Variants in ARHGAP31 observed in about 807,000 individuals in gnomAD.
The protein encoded by ARHGAP31 is Rho GTPase activating protein 31.
A neutral mutation model predicts 113.9 loss-of-function variants in ARHGAP31; 34 were observed. The ratio of observed to expected loss-of-function variants is 0.30; its 90% confidence interval spans 0.23 to 0.40. The LOEUF is 0.40. Ranked by LOEUF, ARHGAP31 falls within the 10% of genes least tolerant of loss-of-function variation. The probability of loss-of-function intolerance (pLI) is 1.00; values close to 1 mark genes in which losing one functional copy is unlikely to be tolerated. For missense variants in ARHGAP31, 1,548 were observed against 1,767.1 expected (o/e 0.88, Z 2.22); for synonymous variants, 650 against 684.8 (o/e 0.95, Z 0.79).
intron 3 of ARHGAP31, among the ~76,000 whole-genome samples, chr3:119,376,344 T>G (rs927264364): frequency 1.3e-5 from 2 of 151,904 alleles, no homozygotes; most frequent in African/African-American, 4.8e-5. Flanking sequence ...CAAAAATTAT[T>G]CGGGCATGGT....
chr3:119,306,537 A>G (rs560119777), intron 1 of ARHGAP31, among the ~76,000 whole-genome samples: 1 of 152,244 alleles, frequency 6.6e-6, no homozygotes, highest in Non-Finnish European at 1.5e-5. Context: ...AGCCTGGGGG[A>G]CGGTGTGAGA....
At chr3:119,392,019 A>T (rs1483060059) in intron 7 of ARHGAP31, among the ~76,000 whole-genome samples, 1 of 152,172 alleles carries the variant, frequency 6.6e-6, no homozygotes, top group Non-Finnish European at 1.5e-5. Context: ...TGTGCTTTCA[A>T]CCACATCTCG....
Position 119,402,315 on chromosome 3 carries a change from C to T in ARHGAP31, c.1563C>T (p.Ser521=), listed in dbSNP as rs2080619121. ...TPPKELQSLS[S]LEEFSFHGSE... ...CGAAGGAGCTGCAGTCTCTTTCCAG[C>T]CTGGAAGAGTTTTCTTTTCATGGAT... The change falls in exon 10 of 12, where the codon AGC becomes AGT. Residue 521 remains serine, a synonymous_variant. Coordinates refer to ENST00000264245, the MANE Select transcript of ARHGAP31 (RefSeq NM_020754.4). The T allele has an allele frequency of 6.2e-7, 1 of 1,614,070 alleles. No homozygotes were observed.
chr3:119,350,658 C>T (rs2080103445), intron 1 of ARHGAP31, among the ~76,000 whole-genome samples: 3 of 151,870 alleles, frequency 2.0e-5, no homozygotes, highest in Admixed American at 6.6e-5. Context: ...TTCCAGCCCC[C>T]GTAAAAATAA....
Position 119,399,052 on chromosome 3 carries a change from G to A in ARHGAP31, c.1007-147G>A, listed in dbSNP as rs1434543877. 2.8e-5 allele frequency: 19 copies of A among 685,260 alleles called. No homozygotes were observed. In the East Asian group the frequency reaches 5.2e-4, roughly 19 times the overall value. 42.4% of individuals were successfully genotyped at this position (685,260 alleles called of 1,614,324 possible). On this transcript the variant is annotated intron_variant, in intron 8 of 11. Coordinates refer to ENST00000264245, the MANE Select transcript of ARHGAP31 (RefSeq NM_020754.4). ...AGAAAGTAGGAACATCTAGGGTGGA[G>A]TAGAGGAATGTTTCCAAGGGGATCA...
intron 3 of ARHGAP31, among the ~76,000 whole-genome samples, chr3:119,370,328 G>A (rs1458070699): frequency 6.6e-6 from 1 of 152,194 alleles, no homozygotes; most frequent in Non-Finnish European, 1.5e-5. Flanking sequence ...CCATTGATCT[G>A]TCTCCTTAAA....
In ARHGAP31 at chr3:119,416,006, C is replaced by T. The variant is rs148574889; in HGVS notation, c.4077C>T (p.His1359=). The T allele has an allele frequency of 1.2e-6, 2 of 1,614,224 alleles. No homozygotes were observed. Among genetic ancestry groups the T allele is most frequent in the Non-Finnish European group, 1.7e-6 (2 of 1,180,032 alleles). The change falls in exon 12 of 12, where the codon CAC becomes CAT. Residue 1359 remains histidine, a synonymous_variant. Coordinates refer to ENST00000264245, the MANE Select transcript of ARHGAP31 (RefSeq NM_020754.4). ...LFSPPFPIMD[H]LPPSSTVTDS... ...GTCCTCCTTTCCCCATTATGGACCACCTGCCCCCTTCATCCACAGTGACAG... is the reference window on the plus strand; with the variant it reads ...GTCCTCCTTTCCCCATTATGGACCATCTGCCCCCTTCATCCACAGTGACAG...
intron 1 of ARHGAP31, chr3:119,330,115 G>A (rs1320490763): frequency 1.4e-6 from 1 of 732,548 alleles, no homozygotes; most frequent in Non-Finnish European, 1.7e-6. Flanking sequence ...GTGTTGTGGA[G>A]AGAGCCTTCA....
chr3:119,311,559 G>A (rs772369193), intron 1 of ARHGAP31, among the ~76,000 whole-genome samples: 1 of 152,180 alleles, frequency 6.6e-6, no homozygotes, highest in East Asian at 1.9e-4. Flanking sequence ...GACCTCTTTG[G>A]GGGGACGTTA....
intron 6 of ARHGAP31, among the ~76,000 whole-genome samples, chr3:119,385,778 G>A (rs55935215): frequency 0.14 from 21,831 of 152,176 alleles, 1,634 homozygotes; most frequent in East Asian, 0.27. Flanking sequence ...TAAGTAATTC[G>A]CTGCGTGTGG....
intron 1 of ARHGAP31, among the ~76,000 whole-genome samples, chr3:119,332,629 TCTCTCTCACACACACA>T (rs1487094482): frequency 1.2e-3 from 146 of 120,612 alleles, no homozygotes; most frequent in African/African-American, 3.5e-3. Context: ...TCTCTCTCTC[TCTCTCTCACACACACA>T]CACACACACA....
At chr3:119,334,104 T>G (rs979450355) in intron 1 of ARHGAP31, among the ~76,000 whole-genome samples, 1 of 152,162 alleles carries the variant, frequency 6.6e-6, no homozygotes, top group Non-Finnish European at 1.5e-5. Context: ...GGGGGACTGA[T>G]GCCCAGGGAC....
intron 1 of ARHGAP31, among the ~76,000 whole-genome samples, chr3:119,324,515 T>C (rs2079824325): frequency 6.6e-6 from 1 of 152,206 alleles, no homozygotes. Flanking sequence ...CCCAAAATCT[T>C]TTAAACTTGA....
chr3:119,368,251 AG>A, intron 2 of ARHGAP31, 120 bp from the exon 3 acceptor site: 7 of 1,304,690 alleles, frequency 5.4e-6, no homozygotes, highest in Non-Finnish European at 7.6e-6. Flanking sequence ...TTTTGAATTA[AG>A]GTCAAAAATA....
chr3:119,367,280 G>C (rs942642496), intron 2 of ARHGAP31, among the ~76,000 whole-genome samples: 1 of 152,122 alleles, frequency 6.6e-6, no homozygotes, highest in Non-Finnish European at 1.5e-5. Flanking sequence ...TCACCAGTTG[G>C]ATGACTAAGT....
intron 3 of ARHGAP31, among the ~76,000 whole-genome samples, chr3:119,369,304 G>A (rs932136845): frequency 1.3e-5 from 2 of 151,980 alleles, no homozygotes; most frequent in Non-Finnish European, 2.9e-5. Flanking sequence ...AGATGAGAGC[G>A]TGTGCTGGGG....
chr3:119,331,383 A>G (rs2107607235), intron 1 of ARHGAP31, among the ~76,000 whole-genome samples: 1 of 152,326 alleles, frequency 6.6e-6, no homozygotes, highest in Non-Finnish European at 1.5e-5. Context: ...TTGAGAGAAA[A>G]GAATAAAAAT....
chr3:119,378,061 A>G (rs144508826), intron 3 of ARHGAP31, among the ~76,000 whole-genome samples: 1 of 152,294 alleles, frequency 6.6e-6, no homozygotes, highest in East Asian at 1.9e-4. Flanking sequence ...CTCCAAGGGC[A>G]GGAAGCTGGC....
In ARHGAP31 at chr3:119,415,262, T is replaced by C. The variant is rs1458555939; in HGVS notation, c.3333T>C (p.Pro1111=). 3.1e-6 allele frequency: 5 copies of C among 1,614,184 alleles called. No homozygotes were observed. The highest frequency in any genetic ancestry group is 4.2e-6 in the Non-Finnish European group (5 of 1,180,022). ...GGCCTTCTTCCCTCAACTTGGACCC[T>C]GCCATTCCCATTGCTGACCTCTTCT... ...KNRPSSLNLD[P]AIPIADLFWF... Residue 1111 remains proline (P), a synonymous_variant, in exon 12 of 12, where the codon CCT becomes CCC. Coordinates refer to ENST00000264245, the MANE Select transcript of ARHGAP31 (RefSeq NM_020754.4).
Sources: gnomAD v4.1 joint callset for allele counts (sites outside exome capture counted in the v4.1 genomes callset) on GRCh38, gnomAD v4.1.1 for gene constraint, MANE v1.5 for transcripts, NCBI Gene and HGNC (gene_info 2026-07-23, HGNC 2026-07-21) for gene names.